ELAVL2: variants seen among roughly 807,000 people sequenced by gnomAD.
The protein encoded by ELAVL2 is ELAV like RNA binding protein 2, also known as ELAV-like protein 2.
A neutral mutation model predicts 34.6 loss-of-function variants in ELAVL2; 4 were observed. The observed-to-expected ratio is 0.12, with a 90% CI of 0.06 to 0.26. The LOEUF (loss-of-function observed/expected upper bound fraction) is 0.26. Among genes scored for constraint, ELAVL2 ranks in the 10% least tolerant of loss-of-function variants. The pLI is 1.00. For synonymous variants in ELAVL2, 193 were observed against 154.8 expected (o/e 1.25, Z -1.83); for missense variants, 432 against 442.8 (o/e 0.98, Z 0.22).
At chr9:23,762,518 G>T (rs1358957935) in intron 1 of ELAVL2, among the ~76,000 whole-genome samples, 1 of 151,980 alleles carries the variant, frequency 6.6e-6, no homozygotes, top group Non-Finnish European at 1.5e-5. Flanking sequence ...CACATTCTGG[G>T]TCTATTCACA....
At chr9:23,763,468 A>G (rs940945722) in intron 1 of ELAVL2, among the ~76,000 whole-genome samples, 2 of 152,092 alleles carry the variant, frequency 1.3e-5, no homozygotes, top group Non-Finnish European at 2.9e-5. Flanking sequence ...TCACCTCCAC[A>G]AAGAACTGCT....
In ELAVL2 at chr9:23,778,557, T is replaced by A. The variant is rs1044986178; in HGVS notation, c.-15-16308A>T. ...GGTGCCTTCTTTCCAGCTCTCCCAA[T>A]ACAGCCTTAATGTTCCGGCCCCTGC... On this transcript the variant is annotated intron_variant, in intron 1 of 6. Transcript: ENST00000397312. Among the ~76,000 whole-genome samples the A allele has an allele frequency of 3.9e-5, 6 of 152,264 alleles. No individual in the cohort carries two copies. In the East Asian group the frequency reaches 5.8e-4, roughly 15 times the overall value.
intron 1 of ELAVL2, chr9:23,783,423 G>T: frequency 2.0e-6 from 2 of 984,824 alleles, no homozygotes; most frequent in African/African-American, 3.5e-5. Flanking sequence ...CAGAGAGCAT[G>T]AAAAACTGGT....
chr9:23,837,358 C>G, the ELAVL2 span, among the ~76,000 whole-genome samples: 1 of 152,136 alleles, frequency 6.6e-6, no homozygotes, highest in Admixed American at 6.6e-5. Context: ...AGGCATGAGT[C>G]CTAGTATTAT....
At chr9:23,760,030 T>C (rs943312289) in intron 2 of ELAVL2, among the ~76,000 whole-genome samples, 1 of 151,702 alleles carries the variant, frequency 6.6e-6, no homozygotes, top group African/African-American at 2.4e-5. Flanking sequence ...TATTAAAGAA[T>C]ACCCATGTGT....
chr9:23,758,871 T>G (rs1365310031), intron 2 of ELAVL2, among the ~76,000 whole-genome samples: 1 of 152,112 alleles, frequency 6.6e-6, no homozygotes, highest in East Asian at 1.9e-4. Context: ...TAAACTTGTC[T>G]GTCAATATAA....
At chr9:23,755,965 C>T (rs1359678532) in intron 2 of ELAVL2, among the ~76,000 whole-genome samples, 2 of 152,174 alleles carry the variant, frequency 1.3e-5, no homozygotes, top group African/African-American at 4.8e-5. Flanking sequence ...ATCAAAACAG[C>T]TTTGTGTTCA....
In ELAVL2 at chr9:23,742,884, A is replaced by T. The variant is rs982436206; in HGVS notation, c.230-11759T>A. Among the ~76,000 whole-genome samples the T allele has an allele frequency of 1.6e-4, 25 of 152,294 alleles. 1 individual carries two copies. The South Asian group carries it at 1.9e-3, about 11-fold the overall frequency. ...TCTTTCCTCTAAACTTAAAATAGTC[A>T]CACACAGCACTGATTTTTACATGCT... On this transcript the variant is annotated intron_variant, in intron 2 of 6. Coordinates refer to ENST00000397312, the MANE Select transcript of ELAVL2 (RefSeq NM_004432.5).
intron 5 of ELAVL2, among the ~76,000 whole-genome samples, chr9:23,695,817 A>T (rs925296624): frequency 6.6e-6 from 1 of 152,174 alleles, no homozygotes; most frequent in Non-Finnish European, 1.5e-5. Context: ...GCAGTCTACT[A>T]TATTATGGTA....
At chr9:23,795,462 G>T (rs1297022558) in intron 1 of ELAVL2, among the ~76,000 whole-genome samples, 23 of 152,158 alleles carry the variant, frequency 1.5e-4, no homozygotes, top group Admixed American at 1.5e-3. Flanking sequence ...AGAATCGCTT[G>T]AACCTGGGAG....
intron 3 of ELAVL2, among the ~76,000 whole-genome samples, chr9:23,708,861 T>A (rs1441327652): frequency 6.6e-6 from 1 of 151,984 alleles, no homozygotes; most frequent in Non-Finnish European, 1.5e-5. Context: ...TGGTCTCGAA[T>A]GCCTGACCTC....
intron 2 of ELAVL2, among the ~76,000 whole-genome samples, chr9:23,740,240 C>G (rs1228854489): frequency 2.0e-5 from 3 of 152,150 alleles, no homozygotes; most frequent in African/African-American, 7.2e-5. Flanking sequence ...CCAAACTAAA[C>G]TATCAAGCAA....
intron 2 of ELAVL2, among the ~76,000 whole-genome samples, chr9:23,744,760 A>T (rs989716296): frequency 2.6e-5 from 4 of 152,000 alleles, no homozygotes; most frequent in African/African-American, 9.7e-5. Context: ...AAAAAAATAA[A>T]AATAAAAATA....
intron 1 of ELAVL2, among the ~76,000 whole-genome samples, chr9:23,792,868 T>A (rs1332868794): frequency 2.0e-5 from 3 of 152,170 alleles, no homozygotes; most frequent in Non-Finnish European, 4.4e-5. Flanking sequence ...ACTCCTAGAA[T>A]CATGCTATCC....
chr9:23,828,661 A>T (rs1048552787), upstream of ELAVL2, among the ~76,000 whole-genome samples: 2 of 152,166 alleles, frequency 1.3e-5, no homozygotes. Context: ...AATATTATTC[A>T]AAGTATTGTC....
At chr9:23,781,468 A>T (rs2059045378) in intron 1 of ELAVL2, among the ~76,000 whole-genome samples, 1 of 152,072 alleles carries the variant, frequency 6.6e-6, no homozygotes, top group South Asian at 2.1e-4. Context: ...TAAGCCACCA[A>T]AACATACAGC....
intron 2 of ELAVL2, among the ~76,000 whole-genome samples, chr9:23,740,750 G>C (rs1312926643): frequency 6.6e-6 from 1 of 152,046 alleles, no homozygotes; most frequent in Admixed American, 6.5e-5. Context: ...ATAGATGAGA[G>C]GTATCTGCAT....
At chr9:23,768,339 G>A (rs1484600441) in intron 1 of ELAVL2, among the ~76,000 whole-genome samples, 2 of 151,910 alleles carry the variant, frequency 1.3e-5, no homozygotes, top group East Asian at 3.9e-4. Context: ...CATTTCAGGG[G>A]TTTGTACAAA....
chr9:23,850,120 T>G, the ELAVL2 span, among the ~76,000 whole-genome samples: 2 of 142,694 alleles, frequency 1.4e-5, no homozygotes, highest in East Asian at 2.1e-4. Flanking sequence ...GGGGTGGGGG[T>G]GGAAAAAGCC....
Sources: allele counts gnomAD v4.1 joint callset (sites outside exome capture counted in the v4.1 genomes callset), GRCh38; gene constraint gnomAD v4.1.1; transcripts MANE v1.5; gene names NCBI Gene and HGNC (gene_info 2026-07-23, HGNC 2026-07-21).